Variants in DAZAP1 observed in about 807,000 individuals in gnomAD.
DAZAP1 encodes DAZ associated protein 1, also known as DAZ-associated protein 1.
DAZAP1 carries 6 observed loss-of-function variants against 60.1 expected under a neutral mutation model. The ratio of observed to expected loss-of-function variants is 0.10; its 90% confidence interval spans 0.05 to 0.20. The LOEUF (loss-of-function observed/expected upper bound fraction) is 0.20. DAZAP1 is among the 10% of genes least tolerant of loss of function. The pLI is 1.00. For missense variants in DAZAP1, 366 were observed against 560.4 expected (o/e 0.65, Z 3.50); for synonymous variants, 235 against 215.9 (o/e 1.09, Z -0.78).
At position 1,418,331 on chromosome 19, in the gene DAZAP1, G is replaced by A. The variant is rs140006661; in HGVS notation, c.198G>A (p.Thr66=). 1.6e-4 allele frequency: 258 copies of A among 1,614,150 alleles called. 4 individuals are homozygous for A. The South Asian group carries it at 1.6e-3, about 10-fold the overall frequency. The change falls in exon 3 of 12, where the codon ACG becomes ACA. Residue 66 remains threonine (T), a synonymous_variant. Transcript: ENST00000233078. The surrounding 1 kb of genome is among the most constrained non-coding windows in gnomAD (Gnocchi z 5.7). ...TTAAAGACCCAAACTGTGTGGGGAC[G>A]GTGCTGGCCAGCAGACCGCACACGC... is the stretch of plus-strand genomic sequence containing the variant. ...VKFKDPNCVG[T]VLASRPHTLD...
Position 1,418,807 on chromosome 19 carries a change from C to A in DAZAP1, c.303+76C>A. ...AAAGGAAATGCGTGCCTTCAATCTG[C>A]TGTTGTCGCTCGTTAAGATTGAGGG... On this transcript the variant is annotated intron_variant, in intron 4 of 11. Coordinates refer to ENST00000233078, the MANE Select transcript of DAZAP1 (RefSeq NM_018959.4). This position sits in a 1 kb window ranked among gnomAD's most constrained non-coding sequence, Gnocchi z 5.7. The A allele has an allele frequency of 7.0e-7, 1 of 1,435,034 alleles. No individual in the cohort carries two copies. The highest frequency in any genetic ancestry group is 1.3e-5 in the South Asian group (1 of 74,248). The allele number at this position is 1,435,034 out of a possible 1,614,324, so 88.9% of individuals were successfully genotyped here. A position where few individuals can be genotyped will look rare whatever the true frequency, so the allele number is the denominator to read the frequency against.
chr19:1,435,415 TTGG>T lies in DAZAP1; in HGVS notation c.*508_*510del, dbSNP rs3083331. The T allele has an allele frequency of 4.6e-5, 7 of 152,246 alleles. No homozygotes were observed. Among genetic ancestry groups the T allele is most frequent in the Admixed American group, 2.0e-4 (3 of 15,284 alleles). 9.4% of individuals were successfully genotyped at this position (152,246 alleles called of 1,614,324 possible). On this transcript the variant is annotated 3_prime_UTR_variant, in exon 12 of 12. Transcript: ENST00000233078. ...CGCTCCTGGCTTTGGGGGTTGGGAC[TTGG>T]TGGTCCAGAAACTCTGGGAGCTTCT...
At position 1,430,211 on chromosome 19, in the gene DAZAP1, G is replaced by T; in HGVS notation, c.731-11G>T. 6.3e-7 allele frequency: 1 copy of T among 1,587,830 alleles called. No homozygotes were observed. Among genetic ancestry groups the T allele is most frequent in the Non-Finnish European group, 8.6e-7 (1 of 1,167,468 alleles). On this transcript the variant is annotated splice_polypyrimidine_tract_variant and intron_variant, in intron 9 of 11. Transcript: ENST00000233078. ...GCTCTCTGTCCATCACCCCCGTACT[G>T]TGTGTTTCAGGTGGCTATGGACCGC...
In DAZAP1 at chr19:1,422,839, CCTTTT is replaced by C. The variant is rs755193786; in HGVS notation, c.463+454_463+458del. Among the ~76,000 whole-genome samples, 133 of 134,216 alleles carry C rather than the reference CCTTTT, an allele frequency of 9.9e-4. No homozygotes were observed. Among genetic ancestry groups the C allele is most frequent in the Non-Finnish European group, 5.6e-4 (38 of 67,284 alleles). The allele number at this position is 134,216 out of a possible 152,430, so 88.1% of individuals were successfully genotyped here. On this transcript the variant is annotated intron_variant, in intron 6 of 11. Transcript: ENST00000233078. The surrounding 1 kb of genome is among the most constrained non-coding windows in gnomAD (Gnocchi z 4.5). ...CTTTTTTTTTCTTTCTTTCTTTTTT[CCTTTT>C]CTTTTCTTTTTCTTTTTTTTCAGTT...
At position 1,428,662 on chromosome 19, in the gene DAZAP1, C is replaced by T; in HGVS notation, c.547-180C>T. 2 of 776,232 alleles carry T rather than the reference C, an allele frequency of 2.6e-6. No homozygotes were observed. Among genetic ancestry groups the T allele is most frequent in the Non-Finnish European group, 4.0e-6 (2 of 502,464 alleles). 48.1% of individuals were successfully genotyped at this position (776,232 alleles called of 1,614,324 possible). On this transcript the variant is annotated intron_variant, in intron 7 of 11. Transcript: ENST00000233078. The surrounding 1 kb of genome is among the most constrained non-coding windows in gnomAD (Gnocchi z 4.0). ...GAAACATTTTTTAAACAAAAAAATT[C>T]AACACAAAAGAATTTTTTAAGAAAA...
At chr19:1,419,944 G>A (rs972300787) in intron 4 of DAZAP1, among the ~76,000 whole-genome samples, 1 of 118,228 alleles carries the variant, frequency 8.5e-6, no homozygotes, top group Non-Finnish European at 1.7e-5. Context: ...CTCACCCCAC[G>A]CGCACACTCA....
At chr19:1,417,372 T>A in intron 1 of DAZAP1, 128 bp from the exon 2 acceptor site, 1 of 1,009,952 alleles carries the variant, frequency 9.9e-7, no homozygotes, top group Non-Finnish European at 1.5e-6. Context: ...TTGTATGCCG[T>A]CACGTGCACA....
In DAZAP1 at chr19:1,422,289, G is replaced by T; in HGVS notation, c.415-59G>T. ...GTTCGTGGGAACAGGCTGTGCCCTC[G>T]GAAGACCACCTGTGGTGCTGGCCCT... On this transcript the variant is annotated intron_variant, in intron 5 of 11. Transcript: ENST00000233078. The surrounding 1 kb of genome is among the most constrained non-coding windows in gnomAD (Gnocchi z 4.5). 1.3e-6 allele frequency: 2 copies of T among 1,535,522 alleles called. No individual in the cohort carries two copies. Among genetic ancestry groups the T allele is most frequent in the Non-Finnish European group, 1.8e-6 (2 of 1,110,232 alleles).
Position 1,423,872 on chromosome 19 carries a change from C to T in DAZAP1, c.463+1476C>T, listed in dbSNP as rs778497432. ...CGTGTGGACGGGACGTGGCGAGTGT[C>T]GCTGAGTCCACACTGGTGTACAGAG... On this transcript the variant is annotated intron_variant, in intron 6 of 11. Coordinates refer to ENST00000233078, the MANE Select transcript of DAZAP1 (RefSeq NM_018959.4). This position sits in a 1 kb window ranked among gnomAD's most constrained non-coding sequence, Gnocchi z 6.8. 2.6e-5 allele frequency among the ~76,000 whole-genome samples: 4 copies of T among 152,200 alleles called. No individual in the cohort carries two copies. The highest frequency in any genetic ancestry group is 9.7e-5 in the African/African-American group (4 of 41,442).
chr19:1,433,684 G>T lies in DAZAP1; in HGVS notation c.1048+994G>T. 6.8e-7 allele frequency: 1 copy of T among 1,469,728 alleles called. No homozygotes were observed. The highest frequency in any genetic ancestry group is 1.7e-5 in the Admixed American group (1 of 59,572). 91.0% of individuals were successfully genotyped at this position (1,469,728 alleles called of 1,614,324 possible). Reference sequence around the variant, plus strand: ...GGTTGGGGCGTGGCGTGTGTCAGCCGCTGCTCTTGGTGGCGGCTGCTTGGG... The same window carrying T: ...GGTTGGGGCGTGGCGTGTGTCAGCCTCTGCTCTTGGTGGCGGCTGCTTGGG... On this transcript the variant is annotated intron_variant, in intron 11 of 11. Transcript: ENST00000233078. This position sits in a 1 kb window ranked among gnomAD's most constrained non-coding sequence, Gnocchi z 6.1.
At chr19:1,413,382 C>T (rs1051237047) in intron 1 of DAZAP1, among the ~76,000 whole-genome samples, 5 of 152,356 alleles carry the variant, frequency 3.3e-5, no homozygotes, top group East Asian at 1.9e-4. Context: ...TTCTCACTCA[C>T]GACCTGGTGA....
Position 1,413,622 on chromosome 19 carries a change from G to C in DAZAP1, c.30-3878G>C, listed in dbSNP as rs115812424. Among the ~76,000 whole-genome samples the C allele has an allele frequency of 8.5e-5, 13 of 152,328 alleles. No individual in the cohort carries two copies. In the East Asian group the frequency reaches 2.3e-3, roughly 27 times the overall value. On this transcript the variant is annotated intron_variant, in intron 1 of 11. Coordinates refer to ENST00000233078, the MANE Select transcript of DAZAP1 (RefSeq NM_018959.4). ...ACAGGAAGCTTTAGCGTTAGAAGCTGCTCTCAAATATCTCAACAGAAACAC... is the reference window on the plus strand; with the variant it reads ...ACAGGAAGCTTTAGCGTTAGAAGCTCCTCTCAAATATCTCAACAGAAACAC...
At chr19:1,417,467 C>A in intron 1 of DAZAP1, 33 bp from the exon 2 acceptor site, 1 of 1,589,896 alleles carries the variant, frequency 6.3e-7, no homozygotes, top group Non-Finnish European at 8.6e-7. Context: ...CGAGCGCTGT[C>A]TTGATCCTGA....
rs1227190919 is a variant in DAZAP1 at position 1,423,032 on chromosome 19, G to A, written c.463+636G>A. On this transcript the variant is annotated intron_variant, in intron 6 of 11. Coordinates refer to ENST00000233078, the MANE Select transcript of DAZAP1 (RefSeq NM_018959.4). This position sits in a 1 kb window ranked among gnomAD's most constrained non-coding sequence, Gnocchi z 6.8. Reference sequence around the variant, plus strand: ...TCTGTGCCCCTTTTCCGTGGCTGCTGCTGTCTGTCCCGCCCGCCCGCATGG... The same window carrying A: ...TCTGTGCCCCTTTTCCGTGGCTGCTACTGTCTGTCCCGCCCGCCCGCATGG... Among the ~76,000 whole-genome samples the A allele has an allele frequency of 4.0e-5, 6 of 151,322 alleles. No individual in the cohort carries two copies. Among genetic ancestry groups the A allele is most frequent in the African/African-American group, 7.2e-5 (3 of 41,510 alleles).
Position 1,428,801 on chromosome 19 carries a change from G to A in DAZAP1, c.547-41G>A. 2 of 1,611,200 alleles carry A rather than the reference G, an allele frequency of 1.2e-6. No homozygotes were observed. The highest frequency in any genetic ancestry group is 8.5e-7 in the Non-Finnish European group (1 of 1,178,882). On this transcript the variant is annotated intron_variant, in intron 7 of 11. Transcript: ENST00000233078. The surrounding 1 kb of genome is among the most constrained non-coding windows in gnomAD (Gnocchi z 4.0). ...GTGTCTAAAGGGAAGGGGGTGCTGG[G>A]ACCCGCAGCCTCGCCCTAAACCAGA...
chr19:1,421,470 G>T (rs11670048), intron 5 of DAZAP1, among the ~76,000 whole-genome samples: 9,148 of 152,362 alleles, frequency 0.06, 309 homozygotes, highest in East Asian at 0.093. Flanking sequence ...CAGTAGGGTG[G>T]TTGGGCGGTG....
In DAZAP1 at chr19:1,418,067, C is replaced by G; in HGVS notation, c.71-137C>G. 1.2e-6 allele frequency: 1 copy of G among 834,366 alleles called. No homozygotes were observed. The highest frequency in any genetic ancestry group is 1.9e-6 in the Non-Finnish European group (1 of 532,146). 51.7% of individuals were successfully genotyped at this position (834,366 alleles called of 1,614,324 possible). ...GCAGAATTCCCCAGCGCTTCCCGTA[C>G]ACCCCCCACCCCCAGTGCAGCATCG... is the stretch of plus-strand genomic sequence containing the variant. On this transcript the variant is annotated intron_variant, in intron 2 of 11. Transcript: ENST00000233078. This position sits in a 1 kb window ranked among gnomAD's most constrained non-coding sequence, Gnocchi z 5.7.
At position 1,434,950 on chromosome 19, in the gene DAZAP1, G is replaced by A; in HGVS notation, c.*38G>A. ...CGACGTCTGCACGGCCCAGACCCAG[G>A]ATTCCAAACTTGTGAACTCGTGACA... On this transcript the variant is annotated 3_prime_UTR_variant, in exon 12 of 12. Coordinates refer to ENST00000233078, the MANE Select transcript of DAZAP1 (RefSeq NM_018959.4). The surrounding 1 kb of genome is among the most constrained non-coding windows in gnomAD (Gnocchi z 8.0). 1.7e-6 allele frequency: 2 copies of A among 1,173,898 alleles called. No homozygotes were observed. Among genetic ancestry groups the A allele is most frequent in the Non-Finnish European group, 2.1e-6 (2 of 940,038 alleles). The allele number at this position is 1,173,898 out of a possible 1,614,324, so 72.7% of individuals were successfully genotyped here.
Position 1,423,323 on chromosome 19 carries a change from C to T in DAZAP1, c.463+927C>T, listed in dbSNP as rs1011533328. Among the ~76,000 whole-genome samples, 8 of 152,378 alleles carry T rather than the reference C, an allele frequency of 5.3e-5. No homozygotes were observed. The East Asian group carries it at 5.8e-4, about 11-fold the overall frequency. On this transcript the variant is annotated intron_variant, in intron 6 of 11. Transcript: ENST00000233078. This position sits in a 1 kb window ranked among gnomAD's most constrained non-coding sequence, Gnocchi z 6.8. ...TAATTTAGACATACATGCTTAGTGA[C>T]GTACTTAAGTGTTTCATAGTAAAGT... is the stretch of plus-strand genomic sequence containing the variant.
Sources: gnomAD v4.1 joint callset for allele counts (sites outside exome capture counted in the v4.1 genomes callset) on GRCh38, gnomAD v4.1.1 for gene constraint, Gnocchi (gnomAD v3.1) non-coding constraint, MANE v1.5 for transcripts, NCBI Gene and HGNC (gene_info 2026-07-23, HGNC 2026-07-21) for gene names.